The following NOCT variants were observed in gnomAD, a reference collection of about 807,000 sequenced individuals.
NOCT encodes the protein CCR4 carbon catabolite repression 4-like.
Under a neutral mutation model 35.0 loss-of-function variants are expected in NOCT, and 18 were observed. The observed-to-expected ratio is 0.51, with a 90% CI of 0.36 to 0.76. The LOEUF (loss-of-function observed/expected upper bound fraction) is 0.76, where lower values mean the gene tolerates loss of function less well. Among genes scored for constraint, NOCT ranks in the 30% least tolerant of loss-of-function variants. The pLI, the probability that NOCT is intolerant of heterozygous loss-of-function variation, is 0.01. For synonymous variants in NOCT, 235 were observed against 226.3 expected (o/e 1.04, Z -0.34); for missense variants, 479 against 541.0 (o/e 0.89, Z 1.14).
At chr4:139,027,313 C>T (rs1371579826) in intron 1 of NOCT, among the ~76,000 whole-genome samples, 10 of 148,158 alleles carry the variant, frequency 6.7e-5, no homozygotes, top group East Asian at 2.0e-4. Flanking sequence ...TAGCTGGGAC[C>T]ACAGGTGCAT....
At chr4:139,026,735 G>C (rs999168900) in intron 1 of NOCT, among the ~76,000 whole-genome samples, 1 of 151,510 alleles carries the variant, frequency 6.6e-6, no homozygotes, top group African/African-American at 2.4e-5. Context: ...ATTTTTAGTA[G>C]AGATGGGGTT....
intron 1 of NOCT, among the ~76,000 whole-genome samples, chr4:139,042,134 C>T (rs2148647519): frequency 7.0e-6 from 1 of 142,466 alleles, no homozygotes; most frequent in East Asian, 2.1e-4. Flanking sequence ...ATAGAGTCAC[C>T]TCAGCTCACT....
chr4:139,033,685 A>G (rs1726667011), intron 1 of NOCT, among the ~76,000 whole-genome samples: 1 of 152,132 alleles, frequency 6.6e-6, no homozygotes, highest in Non-Finnish European at 1.5e-5. Context: ...CTCCAAAAAA[A>G]AAAAAGGGGG....
intron 1 of NOCT, among the ~76,000 whole-genome samples, chr4:139,022,935 A>G (rs1726441926): frequency 6.6e-6 from 1 of 151,956 alleles, no homozygotes. Flanking sequence ...CCCCATCTTT[A>G]TGAAAAATGT....
chr4:139,025,090 C>T (rs186494584), intron 1 of NOCT, among the ~76,000 whole-genome samples: 44 of 152,180 alleles, frequency 2.9e-4, no homozygotes, highest in African/African-American at 1.1e-3. Context: ...AGAGTTAGCT[C>T]CTGATCTGGT....
intron 1 of NOCT, among the ~76,000 whole-genome samples, chr4:139,033,835 G>C (rs1726669661): frequency 6.6e-6 from 1 of 151,912 alleles, no homozygotes; most frequent in African/African-American, 2.4e-5. Context: ...CCCAGGCTTA[G>C]GTGATCCTCC....
At chr4:139,041,372 T>A (rs1726830019) in intron 1 of NOCT, among the ~76,000 whole-genome samples, 2 of 151,136 alleles carry the variant, frequency 1.3e-5, no homozygotes, top group African/African-American at 4.9e-5. Context: ...ATAAAATGTT[T>A]ATGTTTTATA....
Position 139,045,414 on chromosome 4 carries a change from A to C in NOCT, c.1236A>C (p.Ser412=), listed in dbSNP as rs764470353. 5.6e-6 allele frequency: 9 copies of C among 1,613,566 alleles called. No homozygotes were observed. Among genetic ancestry groups the C allele is most frequent in the Non-Finnish European group, 7.6e-6 (9 of 1,179,784 alleles). Reference sequence around the variant, plus strand: ...GGTTACCTTCCTTCAATTATCCTTCAGACCACCTGTCTCTAGTGTGTGACT... The same window carrying C: ...GGTTACCTTCCTTCAATTATCCTTCCGACCACCTGTCTCTAGTGTGTGACT... ...PNRLPSFNYP[S]DHLSLVCDFS... Residue 412 remains serine, a synonymous_variant, in exon 3 of 3, where the codon TCA becomes TCC. Coordinates refer to ENST00000280614, the MANE Select transcript of NOCT (RefSeq NM_012118.4).
intron 1 of NOCT, chr4:139,027,983 T>C (rs1347482737): frequency 1.3e-5 from 2 of 152,184 alleles, no homozygotes; most frequent in Non-Finnish European, 2.9e-5. Flanking sequence ...ATCCCTGATC[T>C]AGAGAGGACT....
At chr4:139,040,525 G>A (rs549484339) in intron 1 of NOCT, among the ~76,000 whole-genome samples, 95 of 152,058 alleles carry the variant, frequency 6.2e-4, no homozygotes, top group African/African-American at 2.2e-3. Context: ...CTGATTTCAC[G>A]TACTCCTCAA....
chr4:139,026,536 A>T (rs183306171), intron 1 of NOCT, among the ~76,000 whole-genome samples: 1 of 150,794 alleles, frequency 6.6e-6, no homozygotes, highest in African/African-American at 2.4e-5. Flanking sequence ...CTCATTATTT[A>T]AAAATTTTTC....
chr4:139,038,750 A>T (rs1418363456), intron 1 of NOCT, among the ~76,000 whole-genome samples: 1 of 152,148 alleles, frequency 6.6e-6, no homozygotes, highest in Non-Finnish European at 1.5e-5. Flanking sequence ...TTGGTGTACT[A>T]CATCTTCATG....
Position 139,024,897 on chromosome 4 carries a change from C to T in NOCT, c.190+8726C>T, listed in dbSNP as rs796080124. Among the ~76,000 whole-genome samples the T allele has an allele frequency of 9.8e-5, 15 of 152,316 alleles. No homozygotes were observed. In the South Asian group the frequency reaches 3.1e-3, roughly 32 times the overall value. On this transcript the variant is annotated intron_variant, in intron 1 of 2. Coordinates refer to ENST00000280614, the MANE Select transcript of NOCT (RefSeq NM_012118.4). ...GGCATTACAGGTGTGAGCCACCGCG[C>T]CCAGCCAGTTTTGCATGTTCTGAGT...
At chr4:139,026,862 C>CTTTTTCTTTTT (rs1726527223) in intron 1 of NOCT, among the ~76,000 whole-genome samples, 4 of 120,334 alleles carry the variant, frequency 3.3e-5, no homozygotes, top group African/African-American at 1.4e-4. Flanking sequence ...TTTTTTTTTT[C>CTTTTTCTTTTT]TTTTTTTTTT....
At chr4:139,033,084 G>T (rs1726657942) in intron 1 of NOCT, among the ~76,000 whole-genome samples, 1 of 151,944 alleles carries the variant, frequency 6.6e-6, no homozygotes, top group Non-Finnish European at 1.5e-5. Context: ...AGTAAGTGTG[G>T]CCAAGTGCAG....
intron 1 of NOCT, among the ~76,000 whole-genome samples, chr4:139,029,210 A>G (rs914786768): frequency 2.0e-5 from 3 of 152,210 alleles, no homozygotes; most frequent in South Asian, 2.1e-4. Flanking sequence ...GCTAACATTT[A>G]GCTAATCACT....
intron 1 of NOCT, among the ~76,000 whole-genome samples, chr4:139,018,628 C>T (rs1046433229): frequency 2.6e-5 from 4 of 152,200 alleles, no homozygotes; most frequent in African/African-American, 2.4e-5. Flanking sequence ...TCACTCATTC[C>T]AGATCTTTAC....
Position 139,016,011 on chromosome 4 carries a change from G to A in NOCT, c.30G>A (p.Ser10=), listed in dbSNP as rs890396248. ...TTCATAGTCCGCGGCGGCTCTGCTC[G>A]GCCCTGCTGCAGAGGGACGCGCCCG... MFHSPRRLC[S]ALLQRDAPGL... The change falls in exon 1 of 3, where the codon TCG becomes TCA. Residue 10 remains serine (S), a synonymous_variant. Transcript: ENST00000280614. The A allele has an allele frequency of 4.4e-5, 61 of 1,394,636 alleles. No individual in the cohort carries two copies. Among genetic ancestry groups the A allele is most frequent in the Non-Finnish European group, 5.5e-5 (59 of 1,075,962 alleles). 86.4% of individuals were successfully genotyped at this position (1,394,636 alleles called of 1,614,324 possible).
chr4:139,045,189 T>C lies in NOCT; in HGVS notation c.1011T>C (p.Phe337=), dbSNP rs1039561902. 3.7e-6 allele frequency: 6 copies of C among 1,614,098 alleles called. No homozygotes were observed. The highest frequency in any genetic ancestry group is 1.1e-5 in the South Asian group (1 of 91,092). The change falls in exon 3 of 3, where the codon TTT becomes TTC. Residue 337 remains phenylalanine (F), a synonymous_variant. Coordinates refer to ENST00000280614, the MANE Select transcript of NOCT (RefSeq NM_012118.4). The part of the protein sequence containing the change: ...AEPTEEVYKH[F]ASSSLNLNSA... ...CAACAGAAGAGGTCTACAAACACTT[T>C]GCTTCCTCCAGCCTCAACCTGAACA... is the stretch of plus-strand genomic sequence containing the variant.
Sources: gnomAD v4.1 joint callset for allele counts (sites outside exome capture counted in the v4.1 genomes callset) on GRCh38, gnomAD v4.1.1 for gene constraint, MANE v1.5 for transcripts, NCBI Gene and HGNC (gene_info 2026-07-23, HGNC 2026-07-21) for gene names.